RAB3C: variants seen among roughly 807,000 people sequenced by gnomAD.
The protein encoded by RAB3C is ras-related protein Rab-3C.
In RAB3C, 17 loss-of-function variants were observed where a neutral mutation model predicts 26.4. The ratio of observed to expected loss-of-function variants is 0.64; its 90% CI spans 0.44 to 0.97. The LOEUF (loss-of-function observed/expected upper bound fraction) is 0.97. Among genes scored for constraint, RAB3C ranks in the 50% least tolerant of loss-of-function variants. The pLI is 0.00. For synonymous variants in RAB3C, 91 were observed against 95.9 expected (o/e 0.95, Z 0.30); for missense variants, 242 against 281.9 (o/e 0.86, Z 1.01).
At chr5:58,668,064 C>A (rs980663317) in intron 2 of RAB3C, among the ~76,000 whole-genome samples, 6 of 152,094 alleles carry the variant, frequency 3.9e-5, no homozygotes, top group Admixed American at 3.3e-4. Context: ...TAGACTTGAC[C>A]TCATTGTAGA....
At position 58,858,320 on chromosome 5, in the gene RAB3C, T is replaced by A. The variant is rs114717241; in HGVS notation, c.*6969T>A. ...AGATTAGTGACAACTTTGTGCCAAA[T>A]TTTTTAAAAAATGGAAGCAGGTAGC... On this transcript the variant is annotated 3_prime_UTR_variant, in exon 5 of 5. Coordinates refer to ENST00000282878, the MANE Select transcript of RAB3C (RefSeq NM_138453.4). 2.7e-3 allele frequency: 412 copies of A among 152,294 alleles called. 5 individuals carry two copies. The highest frequency in any genetic ancestry group is 9.5e-3 in the African/African-American group (395 of 41,556). The allele number at this position is 152,294 out of a possible 1,614,324, so 9.4% of individuals were successfully genotyped here.
At chr5:58,810,649 T>G (rs1743055488) in intron 3 of RAB3C, among the ~76,000 whole-genome samples, 1 of 152,102 alleles carries the variant, frequency 6.6e-6, no homozygotes, top group African/African-American at 2.4e-5. Flanking sequence ...CAGGCTGGAG[T>G]ATAGTGGCAT....
intron 3 of RAB3C, among the ~76,000 whole-genome samples, chr5:58,743,268 T>G (rs1741318528): frequency 6.6e-6 from 1 of 152,200 alleles, no homozygotes; most frequent in South Asian, 2.1e-4. Context: ...TTTTTGTTTT[T>G]GTTTTAAGAT....
chr5:58,808,151 G>T (rs1316205229), intron 3 of RAB3C, among the ~76,000 whole-genome samples: 1 of 150,652 alleles, frequency 6.6e-6, no homozygotes, highest in African/African-American at 2.5e-5. Context: ...CGTGAACCTG[G>T]GAGGCAGAGC....
At chr5:58,617,892 G>A (rs764270899) in intron 2 of RAB3C, 22 bp downstream of exon 2, 304 of 1,473,648 alleles carry the variant, frequency 2.1e-4, no homozygotes, top group Non-Finnish European at 2.7e-4. Context: ...TGAACTGGCA[G>A]TGTTCTTCAG....
At chr5:58,695,639 A>G (rs1488735851) in intron 2 of RAB3C, among the ~76,000 whole-genome samples, 2 of 152,188 alleles carry the variant, frequency 1.3e-5, no homozygotes, top group African/African-American at 4.8e-5. Flanking sequence ...GGTCCTTCAC[A>G]TCCCTTGTAA....
intron 3 of RAB3C, among the ~76,000 whole-genome samples, chr5:58,774,226 C>G (rs777776366): frequency 2.2e-4 from 33 of 152,138 alleles, no homozygotes; most frequent in Non-Finnish European, 4.0e-4. Context: ...TCTCTCTTAC[C>G]TGGTATCAGA....
chr5:58,673,234 G>A (rs1404554792), intron 2 of RAB3C, among the ~76,000 whole-genome samples: 3 of 152,076 alleles, frequency 2.0e-5, no homozygotes, highest in Non-Finnish European at 4.4e-5. Flanking sequence ...CCTCTGTCCT[G>A]CCCCTGCATC....
intron 1 of RAB3C, among the ~76,000 whole-genome samples, chr5:58,608,168 G>A (rs533948581): frequency 1.2e-4 from 18 of 152,220 alleles, no homozygotes; most frequent in Non-Finnish European, 1.9e-4. Flanking sequence ...ACCCATCAGT[G>A]TACTGTATTC....
chr5:58,830,326 C>T (rs749811270), intron 4 of RAB3C, among the ~76,000 whole-genome samples: 1 of 152,138 alleles, frequency 6.6e-6, no homozygotes, highest in Non-Finnish European at 1.5e-5. Context: ...CATATAATTA[C>T]TTCCCAAAAG....
At chr5:58,610,131 T>A (rs1746667064) in intron 1 of RAB3C, among the ~76,000 whole-genome samples, 1 of 151,964 alleles carries the variant, frequency 6.6e-6, no homozygotes, top group Non-Finnish European at 1.5e-5. Flanking sequence ...AATGTTTTCT[T>A]TCTTGGCTTT....
intron 2 of RAB3C, among the ~76,000 whole-genome samples, chr5:58,691,147 A>G (rs1474927394): frequency 6.6e-6 from 1 of 152,078 alleles, no homozygotes; most frequent in Non-Finnish European, 1.5e-5. Context: ...CCACTAGTTC[A>G]TTTTTAGAAT....
chr5:58,713,898 G>T (rs1017924505), intron 2 of RAB3C, among the ~76,000 whole-genome samples: 2 of 152,146 alleles, frequency 1.3e-5, no homozygotes, highest in Non-Finnish European at 2.9e-5. Context: ...TTAAAATGAG[G>T]TTAAAGTAGC....
At chr5:58,678,155 T>G (rs956882478) in intron 2 of RAB3C, among the ~76,000 whole-genome samples, 1 of 152,168 alleles carries the variant, frequency 6.6e-6, no homozygotes, top group Non-Finnish European at 1.5e-5. Context: ...TTCCAAATTT[T>G]AAGTTTTAGG....
In RAB3C at chr5:58,857,957, G is replaced by C. The variant is rs1744300235; in HGVS notation, c.*6606G>C. On this transcript the variant is annotated 3_prime_UTR_variant, in exon 5 of 5. Coordinates refer to ENST00000282878, the MANE Select transcript of RAB3C (RefSeq NM_138453.4). ...TAAACTCCTACTTGCCATTTCTAAGGCAAAGCATTCATTTTAATATTGTAC... is the reference window on the plus strand; with the variant it reads ...TAAACTCCTACTTGCCATTTCTAAGCCAAAGCATTCATTTTAATATTGTAC... 6.6e-6 allele frequency: 1 copy of C among 152,104 alleles called. No individual in the cohort carries two copies. The allele number at this position is 152,104 out of a possible 1,614,324, so 9.4% of individuals were successfully genotyped here. A position where few individuals can be genotyped will look rare whatever the true frequency, so the allele number is the denominator to read the frequency against.
At chr5:58,750,265 TAAAC>T (rs1457748862) in intron 3 of RAB3C, among the ~76,000 whole-genome samples, 2 of 152,152 alleles carry the variant, frequency 1.3e-5, no homozygotes, top group Non-Finnish European at 2.9e-5. Context: ...ACAAATAAAA[TAAAC>T]AAGAAGGATT....
rs555542624 is a variant in RAB3C at position 58,615,674 on chromosome 5, G to A, written c.25-1969G>A. Among the ~76,000 whole-genome samples, 9 of 152,236 alleles carry A rather than the reference G, an allele frequency of 5.9e-5. No individual in the cohort carries two copies. The South Asian group carries it at 1.5e-3, about 25-fold the overall frequency. ...ATGCTATCTGCCTGTTTTAGAGGCC[G>A]ACCTCTGCCCACTGGGAAGCGTTTG... is the stretch of plus-strand genomic sequence containing the variant. On this transcript the variant is annotated intron_variant, in intron 1 of 4. Coordinates refer to ENST00000282878, the MANE Select transcript of RAB3C (RefSeq NM_138453.4).
rs1579896832 is a variant in RAB3C, at chr5:58,748,555, G to T, written c.371+22435G>T. Among the ~76,000 whole-genome samples, 3 of 152,028 alleles carry T rather than the reference G, an allele frequency of 2.0e-5. No homozygotes were observed. In the South Asian group the frequency reaches 6.2e-4, roughly 32 times the overall value. ...ATCATACCTCTAATTTCATTGGCTTGCTTGTAGCTCCAACCTTATATTTCT... is the reference window on the plus strand; with the variant it reads ...ATCATACCTCTAATTTCATTGGCTTTCTTGTAGCTCCAACCTTATATTTCT... On this transcript the variant is annotated intron_variant, in intron 3 of 4. Coordinates refer to ENST00000282878, the MANE Select transcript of RAB3C (RefSeq NM_138453.4).
intron 4 of RAB3C, among the ~76,000 whole-genome samples, chr5:58,845,612 A>ATATGTG: frequency 1.2e-5 from 1 of 81,724 alleles, no homozygotes; most frequent in African/African-American, 5.8e-5. Flanking sequence ...ATATATATAT[A>ATATGTG]TGTGTGTGTG....
Sources: allele counts gnomAD v4.1 joint callset (sites outside exome capture counted in the v4.1 genomes callset), GRCh38; gene constraint gnomAD v4.1.1; transcripts MANE v1.5; gene names NCBI Gene and HGNC (gene_info 2026-07-23, HGNC 2026-07-21).